Variants in CCDC192 observed in about 807,000 individuals in gnomAD.
The protein encoded by CCDC192 is coiled-coil domain-containing protein 192.
chr5:127,867,230 A>G (rs958587675), intron 5 of CCDC192, among the ~76,000 whole-genome samples: 7 of 152,224 alleles, frequency 4.6e-5, no homozygotes, highest in Non-Finnish European at 8.8e-5. Flanking sequence ...CTGATCCCAG[A>G]TAAGTCACAG....
chr5:127,805,428 G>A (rs934567767), intron 5 of CCDC192, among the ~76,000 whole-genome samples: 5 of 152,192 alleles, frequency 3.3e-5, no homozygotes, highest in African/African-American at 1.2e-4. Context: ...TTCTAAGTCA[G>A]TATTTTTGCT....
At chr5:127,744,126 ACTATTGAAAACG>A (rs368390763) in intron 2 of CCDC192, among the ~76,000 whole-genome samples, 7 of 151,592 alleles carry the variant, frequency 4.6e-5, no homozygotes, top group African/African-American at 1.7e-4. Context: ...AAAAAAAGAA[ACTATTGAAAACG>A]CTAAACACAA....
At chr5:127,778,917 C>T (rs1756027734) in intron 3 of CCDC192, among the ~76,000 whole-genome samples, 1 of 151,988 alleles carries the variant, frequency 6.6e-6, no homozygotes, top group African/African-American at 2.4e-5. Flanking sequence ...TTTGTTCATA[C>T]TAGTATCTTA....
At chr5:127,746,314 T>A (rs187577520) in intron 2 of CCDC192, among the ~76,000 whole-genome samples, 58 of 152,236 alleles carry the variant, frequency 3.8e-4, no homozygotes, top group Non-Finnish European at 7.8e-4. Flanking sequence ...TGACTTATAT[T>A]GCTTTTGTCT....
chr5:127,811,631 A>G (rs971140464), intron 5 of CCDC192, among the ~76,000 whole-genome samples: 1 of 152,230 alleles, frequency 6.6e-6, no homozygotes, highest in Admixed American at 6.5e-5. Context: ...AGCTGTAAGC[A>G]TTAGTTCTTA....
chr5:127,784,793 C>A (rs1361378996), intron 3 of CCDC192: 1 of 484,154 alleles, frequency 2.1e-6, no homozygotes, highest in African/African-American at 2.0e-5. Flanking sequence ...CTTCATGATT[C>A]TCATGATGGC....
At chr5:127,865,826 T>A (rs140280536) in intron 5 of CCDC192, among the ~76,000 whole-genome samples, 7 of 152,138 alleles carry the variant, frequency 4.6e-5, no homozygotes, top group Non-Finnish European at 8.8e-5. Flanking sequence ...TATCTATCGT[T>A]GTCAAGATCA....
chr5:127,728,809 G>A (rs1413309520), intron 2 of CCDC192, among the ~76,000 whole-genome samples: 2 of 152,154 alleles, frequency 1.3e-5, no homozygotes, highest in African/African-American at 4.8e-5. Flanking sequence ...ACCATCTCAT[G>A]TGCAAAGACA....
intron 3 of CCDC192, among the ~76,000 whole-genome samples, chr5:127,772,174 C>A (rs1247219089): frequency 6.6e-6 from 1 of 152,046 alleles, no homozygotes; most frequent in African/African-American, 2.4e-5. Context: ...AAGAATGTCA[C>A]CAACGGCCAG....
In CCDC192 at chr5:127,736,994, C is replaced by A. The variant is rs1753049015; in HGVS notation, c.115-17274C>A. On this transcript the variant is annotated intron_variant, in intron 2 of 6. Transcript: ENST00000514853. ...TAGCTTTTGAATGTGTTTGCTCTTG[C>A]TTTTCTAGTTCTTTTAATTGTGATG... is the stretch of plus-strand genomic sequence containing the variant. 5.3e-5 allele frequency among the ~76,000 whole-genome samples: 8 copies of A among 150,762 alleles called. No homozygotes were observed. In the South Asian group the frequency reaches 1.7e-3, roughly 32 times the overall value.
intron 5 of CCDC192, among the ~76,000 whole-genome samples, chr5:127,800,972 C>G (rs1290559474): frequency 2.0e-5 from 3 of 152,060 alleles, no homozygotes; most frequent in African/African-American, 7.2e-5. Context: ...TTCAGAGCCC[C>G]CCACAACCCC....
At chr5:127,790,722 T>G (rs1233459232) in intron 3 of CCDC192, among the ~76,000 whole-genome samples, 1 of 152,248 alleles carries the variant, frequency 6.6e-6, no homozygotes, top group African/African-American at 2.4e-5. Context: ...CTGCCTAAAT[T>G]CACATTTAAT....
chr5:127,881,288 T>C (rs1318236594), intron 6 of CCDC192, among the ~76,000 whole-genome samples: 1 of 152,226 alleles, frequency 6.6e-6, no homozygotes, highest in Non-Finnish European at 1.5e-5. Context: ...AAAAAAGTGT[T>C]GATTCTAAGT....
rs60854127 is a variant in CCDC192 at position 127,912,419 on chromosome 5, C to CAAAAAAAAAAAAAAAA, written c.536-28757_536-28742dup. 2.5e-4 allele frequency among the ~76,000 whole-genome samples: 20 copies of CAAAAAAAAAAAAAAAA among 81,438 alleles called. 1 individual carries two copies. Among genetic ancestry groups the CAAAAAAAAAAAAAAAA allele is most frequent in the African/African-American group, 5.5e-4 (11 of 19,822 alleles). The allele number at this position is 81,438 out of a possible 152,430, so 53.4% of individuals were successfully genotyped here. A position where few individuals can be genotyped will look rare whatever the true frequency, so the allele number is the denominator to read the frequency against. Reference sequence around the variant, plus strand: ...AGTGAGAATAGATTCCTGGGTTTAGCAAAAAAAAAAAAAAAAAAAAATGAA... The same window carrying CAAAAAAAAAAAAAAAA: ...AGTGAGAATAGATTCCTGGGTTTAGCAAAAAAAAAAAAAAAAAAAAAAAAAAAAAAAAAAAAATGAA... On this transcript the variant is annotated intron_variant, in intron 6 of 6. Coordinates refer to ENST00000514853, the MANE Select transcript of CCDC192 (RefSeq NM_001317938.2).
At chr5:127,752,934 C>T (rs112043401) in intron 2 of CCDC192, among the ~76,000 whole-genome samples, 7,083 of 152,290 alleles carry the variant, frequency 0.047, 540 homozygotes, top group African/African-American at 0.16. Flanking sequence ...TGACCCCTTG[C>T]GCTTCCCAAG....
intron 6 of CCDC192, among the ~76,000 whole-genome samples, chr5:127,939,714 C>A (rs180717657): frequency 6.6e-6 from 1 of 151,076 alleles, no homozygotes; most frequent in East Asian, 1.9e-4. Context: ...CCTGCGCGCA[C>A]TACTACAGCA....
chr5:127,843,524 A>C (rs1304736111), intron 5 of CCDC192, among the ~76,000 whole-genome samples: 2 of 136,722 alleles, frequency 1.5e-5, no homozygotes, highest in African/African-American at 2.8e-5. Flanking sequence ...TACAACCTCT[A>C]CCTCCCGGGT....
intron 2 of CCDC192, among the ~76,000 whole-genome samples, chr5:127,743,163 G>A (rs777096133): frequency 6.6e-6 from 1 of 151,892 alleles, no homozygotes; most frequent in Non-Finnish European, 1.5e-5. Flanking sequence ...TCCCCTCCCC[G>A]CTTCCCTCCA....
intron 2 of CCDC192, among the ~76,000 whole-genome samples, chr5:127,714,778 C>T (rs1437446861): frequency 6.6e-6 from 1 of 152,206 alleles, no homozygotes; most frequent in Non-Finnish European, 1.5e-5. Context: ...TCTCCCTGCT[C>T]TCACCAGCAT....
Sources: allele counts gnomAD v4.1 joint callset (sites outside exome capture counted in the v4.1 genomes callset), GRCh38; gene constraint gnomAD v4.1.1; transcripts MANE v1.5; gene names NCBI Gene and HGNC (gene_info 2026-07-23, HGNC 2026-07-21).